Variants in C17orf78 observed in about 807,000 individuals in gnomAD.
The protein encoded by C17orf78 is uncharacterized protein C17orf78.
A neutral mutation model predicts 31.8 loss-of-function variants in C17orf78; 27 were observed. The observed-to-expected ratio is 0.85, with a 90% confidence interval of 0.63 to 1.17. The LOEUF (loss-of-function observed/expected upper bound fraction) is 1.17, where lower values mean the gene tolerates loss of function less well. Ranked by LOEUF, C17orf78 falls within the 50% of genes most tolerant of loss-of-function variation. The pLI, the probability that C17orf78 is intolerant of heterozygous loss-of-function variation, is 0.00. For synonymous variants in C17orf78, 106 were observed against 115.1 expected (o/e 0.92, Z 0.51); for missense variants, 258 against 315.2 (o/e 0.82, Z 1.37).
rs1044902919 is a variant in C17orf78, at chr17:37,391,914, C to A, written c.*190C>A. 7 of 597,956 alleles carry A rather than the reference C, an allele frequency of 1.2e-5. No homozygotes were observed. In the Admixed American group the frequency reaches 1.2e-4, roughly 10 times the overall value. 37.0% of individuals were successfully genotyped at this position (597,956 alleles called of 1,614,324 possible). A position where few individuals can be genotyped will look rare whatever the true frequency, so the allele number is the denominator to read the frequency against. On this transcript the variant is annotated 3_prime_UTR_variant, in exon 7 of 7. Transcript: ENST00000615133. ...CTCATGCCCCTATCTGAGCCACAAC[C>A]TTCTGTAATTCACTTCATACATCCA...
rs770043925 is a variant in C17orf78, at chr17:37,388,770, T to C, written c.609T>C (p.Phe203=). 3.1e-6 allele frequency: 5 copies of C among 1,613,270 alleles called. No individual in the cohort carries two copies. The East Asian group carries it at 1.1e-4, about 36-fold the overall frequency. ...TCAGTGGAGTTGCCATTATAGTATT[T>C]GTAATTTTTGAAGTCCCATGTCCTG... The part of the protein sequence containing the change: ...LLLSGVAIIV[F]VIFEVPCPYQ... The change falls in exon 5 of 7, where the codon TTT becomes TTC. Residue 203 remains phenylalanine, a synonymous_variant. Transcript: ENST00000615133.
In C17orf78 at chr17:37,390,260, TA is replaced by T. The variant is rs1407123997; in HGVS notation, c.750+900del. On this transcript the variant is annotated intron_variant, in intron 6 of 6. Coordinates refer to ENST00000615133, the MANE Select transcript of C17orf78 (RefSeq NM_173625.5). The stretch of plus-strand genomic sequence containing the variant: ...TAATATATTATATATATATTATATA[TA>T]ATTATATATAATATATTATATATAA... Among the ~76,000 whole-genome samples the T allele has an allele frequency of 2.9e-4, 20 of 68,334 alleles. 1 individual carries two copies. In the South Asian group the frequency reaches 5.2e-3, roughly 18 times the overall value. 44.8% of individuals were successfully genotyped at this position (68,334 alleles called of 152,430 possible).
Position 37,388,696 on chromosome 17 carries a change from C to G in C17orf78, c.535C>G (p.Gln179Glu). 1 of 1,612,414 alleles carries G rather than the reference C, an allele frequency of 6.2e-7. No homozygotes were observed. The highest frequency in any genetic ancestry group is 8.5e-7 in the Non-Finnish European group (1 of 1,178,886). The change falls in exon 5 of 7, where the codon CAG (glutamine) becomes GAG (glutamate). Residue 179 changes from glutamine (Q) to glutamate (E), a missense_variant. Transcript: ENST00000615133. ...CACAGATGAGAACCTAGAGAAGAGA[C>G]AGAAATGGAGTATTGTGGTCAAAAT... is the stretch of plus-strand genomic sequence containing the variant. Reference protein sequence around the residue: ...TDTDENLEKRQKWSIVVKILI... With the variant: ...TDTDENLEKREKWSIVVKILI...
Position 37,379,359 on chromosome 17 carries a change from C to G in C17orf78, c.368C>G (p.Thr123Ser), listed in dbSNP as rs1418769356. The G allele has an allele frequency of 8.7e-6, 14 of 1,613,934 alleles. No homozygotes were observed. Among genetic ancestry groups the G allele is most frequent in the Non-Finnish European group, 1.1e-5 (13 of 1,179,870 alleles). Residue 123 changes from threonine (T) to serine (S), a missense_variant, in exon 3 of 7, where the codon ACT (threonine) becomes AGT (serine). Thr to Ser is a moderately conservative substitution (Grantham distance 58, BLOSUM62 1). Transcript: ENST00000615133. ...CHLIPTSKFQ[T>S]GSLLKGKAFL... ...CTAATCCCCACATCCAAGTTTCAGA[C>G]TGGATCTCTTCTAAAAGGCAAAGGT...
chr17:37,388,660 T>C lies in C17orf78; in HGVS notation c.509-10T>C, dbSNP rs1205780295. 1 of 1,610,982 alleles carries C rather than the reference T, an allele frequency of 6.2e-7. No homozygotes were observed. Among genetic ancestry groups the C allele is most frequent in the South Asian group, 1.1e-5 (1 of 90,572 alleles). ...CTTTTCTCCCTCTTCCACTCCCCTC[T>C]CTCCTTTAGACACAGATGAGAACCT... On this transcript the variant is annotated splice_polypyrimidine_tract_variant and intron_variant, in intron 4 of 6. Coordinates refer to ENST00000615133, the MANE Select transcript of C17orf78 (RefSeq NM_173625.5).
rs76536479 is a variant in C17orf78, at chr17:37,377,871, A to G, written c.59-8A>G. The G allele has an allele frequency of 6.1e-3, 9,709 of 1,585,250 alleles. 438 individuals carry two copies. In the African/African-American group the frequency reaches 0.11, roughly 18 times the overall value. On this transcript the variant is annotated splice_polypyrimidine_tract_variant and splice_region_variant and intron_variant, in intron 1 of 6. Coordinates refer to ENST00000615133, the MANE Select transcript of C17orf78 (RefSeq NM_173625.5). The stretch of plus-strand genomic sequence containing the variant: ...CGGTTCCCCTCCTCCCCCTCTGCTC[A>G]CCCCCAGACCTCAGAGATAGCAGTT...
In C17orf78 at chr17:37,379,206, G is replaced by A. The variant is rs1597745064; in HGVS notation, c.215G>A (p.Gly72Asp). The A allele has an allele frequency of 6.2e-7, 1 of 1,613,990 alleles. No individual in the cohort carries two copies. The highest frequency in any genetic ancestry group is 1.3e-5 in the African/African-American group (1 of 75,038). The stretch of plus-strand genomic sequence containing the variant: ...ACTATAGCTACCCTGCAGTGCCTTG[G>A]CTCTGACAGCAAAGTAAAAGTCAAC... ...NRTIATLQCL[G>D]SDSKVKVNLV... The change falls in exon 3 of 7, where the codon GGC becomes GAC. Residue 72 changes from glycine (G) to aspartate (D), a missense_variant. Coordinates refer to ENST00000615133, the MANE Select transcript of C17orf78 (RefSeq NM_173625.5).
At chr17:37,388,510 C>A (rs1048428871) in intron 4 of C17orf78, among the ~76,000 whole-genome samples, 160 bp from the exon 5 acceptor site, 5 of 151,788 alleles carry the variant, frequency 3.3e-5, no homozygotes, top group Non-Finnish European at 5.9e-5. Flanking sequence ...CCTCACACCC[C>A]CTCCAGCCCT....
intron 4 of C17orf78, 42 bp downstream of exon 4, chr17:37,386,167 A>G (rs1401933190): frequency 4.6e-6 from 6 of 1,307,814 alleles, no homozygotes; most frequent in Non-Finnish European, 6.4e-6. Flanking sequence ...CAGAATAAGT[A>G]GGAGTAAAAT....
At chr17:37,379,802 T>C (rs1467784549) in intron 3 of C17orf78, among the ~76,000 whole-genome samples, 1 of 147,630 alleles carries the variant, frequency 6.8e-6, no homozygotes, top group Non-Finnish European at 1.5e-5. Context: ...TGTGGAGAAA[T>C]AGGAACACTT....
rs950525341 is a variant in C17orf78 at position 37,391,506 on chromosome 17, A to T, written c.751-141A>T. 40 of 712,770 alleles carry T rather than the reference A, an allele frequency of 5.6e-5. No homozygotes were observed. The Admixed American group carries it at 6.3e-4, about 11-fold the overall frequency. 44.2% of individuals were successfully genotyped at this position (712,770 alleles called of 1,614,324 possible). ...CACCTTGATCATACTTTCTCAGTGT[A>T]ATTATCGATTAACAAAGAGGCAAAA... On this transcript the variant is annotated intron_variant, in intron 6 of 6. Coordinates refer to ENST00000615133, the MANE Select transcript of C17orf78 (RefSeq NM_173625.5).
At chr17:37,391,529 A>C (rs1471783961) in intron 6 of C17orf78, 118 bp from the exon 7 acceptor site, 2 of 870,230 alleles carry the variant, frequency 2.3e-6, no homozygotes, top group East Asian at 4.8e-5. Context: ...CAAAGAGGCA[A>C]AATGAAGTGC....
At chr17:37,376,825 T>C (rs1020372022) in intron 1 of C17orf78, among the ~76,000 whole-genome samples, 1 of 152,022 alleles carries the variant, frequency 6.6e-6, no homozygotes, top group Non-Finnish European at 1.5e-5. Flanking sequence ...CATGGTGGCA[T>C]GCACCTGTAA....
intron 3 of C17orf78, 39 bp downstream of exon 3, chr17:37,379,421 T>C: frequency 1.3e-6 from 2 of 1,593,138 alleles, no homozygotes; most frequent in Non-Finnish European, 1.7e-6. Context: ...GCACTAACTT[T>C]TAGTTGACAT....
chr17:37,390,304 T>TTTTATATA lies in C17orf78; in HGVS notation c.750+943_750+944insTTATATAT, dbSNP rs1201500381. On this transcript the variant is annotated intron_variant, in intron 6 of 6. Transcript: ENST00000615133. ...ATATATAATTATATATTATACATAA[T>TTTTATATA]TATATATATATATATATATATATAT... Among the ~76,000 whole-genome samples the TTTTATATA allele has an allele frequency of 1.1e-4, 2 of 17,988 alleles. 1 individual carries two copies. The highest frequency in any genetic ancestry group is 7.6e-4 in the African/African-American group (2 of 2,618). 11.8% of individuals were successfully genotyped at this position (17,988 alleles called of 152,430 possible).
intron 3 of C17orf78, among the ~76,000 whole-genome samples, chr17:37,383,831 G>A (rs1441011200): frequency 6.6e-6 from 1 of 152,142 alleles, no homozygotes; most frequent in African/African-American, 2.4e-5. Context: ...GATTATAGGC[G>A]TGAGCCACCT....
rs2050922818 is a variant in C17orf78 at position 37,392,460 on chromosome 17, C to T, written c.*736C>T. The T allele has an allele frequency of 6.6e-6, 1 of 152,084 alleles. No individual in the cohort carries two copies. The highest frequency in any genetic ancestry group is 2.4e-5 in the African/African-American group (1 of 41,422). 9.4% of individuals were successfully genotyped at this position (152,084 alleles called of 1,614,324 possible). A position where few individuals can be genotyped will look rare whatever the true frequency, so the allele number is the denominator to read the frequency against. On this transcript the variant is annotated 3_prime_UTR_variant, in exon 7 of 7. Transcript: ENST00000615133. Reference sequence around the variant, plus strand: ...TTCTCACAGGAGAATAGCTATGAGTCAAATCTAACCTGCTTAAATAAGAGT... The same window carrying T: ...TTCTCACAGGAGAATAGCTATGAGTTAAATCTAACCTGCTTAAATAAGAGT...
Position 37,388,588 on chromosome 17 carries a change from G to A in C17orf78, c.509-82G>A. On this transcript the variant is annotated intron_variant, in intron 4 of 6. Transcript: ENST00000615133. Reference sequence around the variant, plus strand: ...GGGCCTCTAATAGTCTTGTGAGCCAGAAGAACTTCAGGTCAAAGGATCAAT... The same window carrying A: ...GGGCCTCTAATAGTCTTGTGAGCCAAAAGAACTTCAGGTCAAAGGATCAAT... The A allele has an allele frequency of 6.8e-6, 10 of 1,481,110 alleles. No individual in the cohort carries two copies. In the South Asian group the frequency reaches 7.3e-5, roughly 11 times the overall value. 91.7% of individuals were successfully genotyped at this position (1,481,110 alleles called of 1,614,324 possible). A position where few individuals can be genotyped will look rare whatever the true frequency, so the allele number is the denominator to read the frequency against.
intron 1 of C17orf78, 54 bp downstream of exon 1, chr17:37,376,204 G>C: frequency 3.5e-6 from 5 of 1,448,090 alleles, no homozygotes; most frequent in Non-Finnish European, 4.8e-6. Context: ...GGCCTAGAAA[G>C]AGTTTCGGGG....
Sources: allele counts gnomAD v4.1 joint callset (sites outside exome capture counted in the v4.1 genomes callset), GRCh38; gene constraint gnomAD v4.1.1; transcripts MANE v1.5; gene names NCBI Gene and HGNC (gene_info 2026-07-23, HGNC 2026-07-21).